HPD: variants seen among roughly 807,000 people sequenced by gnomAD.
HPD encodes the protein 4-hydroxyphenylpyruvic acid oxidase.
A neutral mutation model predicts 56.9 loss-of-function variants in HPD; 35 were observed. The ratio of observed to expected loss-of-function variants is 0.62; its 90% CI spans 0.47 to 0.82. The LOEUF is 0.82. Ranked by LOEUF, HPD falls within the 40% of genes least tolerant of loss-of-function variation. The probability of loss-of-function intolerance (pLI) is 0.00; values close to 1 mark genes in which losing one functional copy is unlikely to be tolerated. For synonymous variants in HPD, 186 were observed against 200.2 expected, an observed-to-expected ratio of 0.93 and a Z score of 0.60; for missense variants, 442 against 506.8, an observed-to-expected ratio of 0.87 and a Z score of 1.23.
At chr12:121,850,143 C>A (rs1295493829) in intron 7 of HPD, among the ~76,000 whole-genome samples, 1 of 151,992 alleles carries the variant, frequency 6.6e-6, no homozygotes, top group African/African-American at 2.4e-5. Flanking sequence ...GAAGAGCAGC[C>A]TGGCGCGGTG....
intron 4 of HPD, chr12:121,856,942 G>C (rs915776321): frequency 4.3e-5 from 22 of 516,858 alleles, no homozygotes; most frequent in African/African-American, 4.2e-4. Flanking sequence ...AGCACCTGTG[G>C]GGTCAGTGTT....
At chr12:121,848,420 T>A (rs545911500) in intron 9 of HPD, among the ~76,000 whole-genome samples, 35 of 152,204 alleles carry the variant, frequency 2.3e-4, no homozygotes, top group African/African-American at 7.7e-4. Flanking sequence ...CAAGCGATTC[T>A]CCTGTCTCAG....
intron 12 of HPD, among the ~76,000 whole-genome samples, 176 bp downstream of exon 12, chr12:121,843,534 T>C (rs1877474417): frequency 6.6e-6 from 1 of 152,210 alleles, no homozygotes; most frequent in Non-Finnish European, 1.5e-5. Flanking sequence ...ACCGTGCTTT[T>C]ATTGTTTATT....
At chr12:121,856,987 G>T in intron 4 of HPD, 1 of 502,804 alleles carries the variant, frequency 2.0e-6, no homozygotes, top group African/African-American at 1.9e-5. Context: ...ACTAGGAAGG[G>T]CCGTGTTGCA....
chr12:121,887,126 C>T, the HPD span, among the ~76,000 whole-genome samples: 5 of 152,136 alleles, frequency 3.3e-5, no homozygotes, highest in Non-Finnish European at 7.4e-5. Flanking sequence ...TCTTGAACTC[C>T]TGACCTCAAG....
At chr12:121,857,171 C>G (rs1182420593) in intron 4 of HPD, 157 bp downstream of exon 4, 2 of 635,196 alleles carry the variant, frequency 3.1e-6, no homozygotes, top group Non-Finnish European at 5.7e-6. Context: ...CCTCTGCCTC[C>G]CGGGTTCAAG....
chr12:121,847,682 C>A (rs1169937421), intron 9 of HPD, among the ~76,000 whole-genome samples: 1 of 152,142 alleles, frequency 6.6e-6, no homozygotes, highest in South Asian at 2.1e-4. Flanking sequence ...GGATTACAGG[C>A]ATGCACCACC....
chr12:121,852,582 C>T (rs1489613953), intron 7 of HPD, among the ~76,000 whole-genome samples: 1 of 147,668 alleles, frequency 6.8e-6, no homozygotes, highest in East Asian at 2.0e-4. Flanking sequence ...ATGTGCCAGG[C>T]ACTGTTCTAA....
chr12:121,859,424 C>G (rs1293032273), upstream of HPD, among the ~76,000 whole-genome samples: 1 of 152,102 alleles, frequency 6.6e-6, no homozygotes, highest in Non-Finnish European at 1.5e-5. Flanking sequence ...TGGAACAGGA[C>G]CTGGCACACA....
At chr12:121,873,425 C>G in the HPD span, among the ~76,000 whole-genome samples, 1 of 152,202 alleles carries the variant, frequency 6.6e-6, no homozygotes, top group East Asian at 1.9e-4. Context: ...TCTCCAGGGC[C>G]CCGGTAGGGC....
intron 7 of HPD, among the ~76,000 whole-genome samples, chr12:121,850,629 A>ACGTCCAGCCAATTTTGTAT (rs1566571271): frequency 1.4e-5 from 2 of 147,274 alleles, no homozygotes; most frequent in East Asian, 2.1e-4. Context: ...GTGTACCACC[A>ACGTCCAGCCAATTTTGTAT]TGCCGGGCCC....
chr12:121,844,327 G>A (rs916117195), intron 11 of HPD, among the ~76,000 whole-genome samples: 1 of 152,008 alleles, frequency 6.6e-6, no homozygotes, highest in African/African-American at 2.4e-5. Context: ...TTACAGGCGT[G>A]AGCCACTGAG....
At chr12:121,878,062 G>A in the HPD span, among the ~76,000 whole-genome samples, 8 of 152,166 alleles carry the variant, frequency 5.3e-5, no homozygotes, top group African/African-American at 9.7e-5. Context: ...GAGAATGGGT[G>A]TCCTTTTGGG....
the HPD span, among the ~76,000 whole-genome samples, chr12:121,887,348 G>A: frequency 6.6e-6 from 1 of 151,640 alleles, no homozygotes; most frequent in Non-Finnish European, 1.5e-5. Context: ...CACTGCACCT[G>A]TATTTCTCTC....
intron 12 of HPD, among the ~76,000 whole-genome samples, chr12:121,841,881 C>T (rs1293771023): frequency 6.6e-6 from 1 of 152,052 alleles, no homozygotes; most frequent in East Asian, 1.9e-4. Context: ...GACAGGGTTT[C>T]ACCATGTTGG....
intron 9 of HPD, among the ~76,000 whole-genome samples, chr12:121,848,708 C>T (rs185873218): frequency 2.6e-5 from 4 of 152,222 alleles, no homozygotes; most frequent in East Asian, 1.9e-4. Context: ...CGGGTTCAAG[C>T]GATTCTCCTG....
In HPD at chr12:121,849,552, C is replaced by T. The variant is rs1877694462; in HGVS notation, c.518+135G>A. 5 of 689,996 alleles carry T rather than the reference C, an allele frequency of 7.2e-6. No homozygotes were observed. In the African/African-American group the frequency reaches 8.8e-5, roughly 12 times the overall value. The allele number at this position is 689,996 out of a possible 1,614,324, so 42.7% of individuals were successfully genotyped here. ...CTCTGTGCCACCTCTTCAAGCACCCCTGAGGACTTCCAGGAATTCCCTAGC... is the reference window on the plus strand; with the variant it reads ...CTCTGTGCCACCTCTTCAAGCACCCTTGAGGACTTCCAGGAATTCCCTAGC... On this transcript the variant is annotated intron_variant, in intron 8 of 13. Coordinates refer to ENST00000289004, the MANE Select transcript of HPD (RefSeq NM_002150.3).
the HPD span, among the ~76,000 whole-genome samples, chr12:121,875,715 T>A: frequency 1.3e-5 from 2 of 152,146 alleles, no homozygotes; most frequent in African/African-American, 4.8e-5. Flanking sequence ...CATGAGCCAC[T>A]GCACCTGGCC....
In HPD at chr12:121,839,799, A is replaced by C. The variant is rs1239219994; in HGVS notation, c.1111T>G (p.Phe371Val). 5 of 1,614,046 alleles carry C rather than the reference A, an allele frequency of 3.1e-6. No homozygotes were observed. The Admixed American group carries it at 6.7e-5, about 22-fold the overall frequency. Residue 371 changes from phenylalanine to valine, a missense_variant, in exon 14 of 14, where the codon TTC becomes GTC. Phe to Val is a conservative substitution (Grantham distance 50). Transcript: ENST00000289004. ...CCCCGCAGGTTCTGCTCCTCCTCGAAAGCCTTGAACAGTGAGTTGAAGTTG... is the reference window on the plus strand; with the variant it reads ...CCCCGCAGGTTCTGCTCCTCCTCGACAGCCTTGAACAGTGAGTTGAAGTTG... ...AGNFNSLFKA[F>V]EEEQNLRGNL...
Sources: allele counts gnomAD v4.1 joint callset (sites outside exome capture counted in the v4.1 genomes callset), GRCh38; gene constraint gnomAD v4.1.1; transcripts MANE v1.5; gene names NCBI Gene and HGNC (gene_info 2026-07-23, HGNC 2026-07-21).